DDX60: variants seen among roughly 807,000 people sequenced by gnomAD.
DDX60 encodes probable ATP-dependent RNA helicase DDX60.
Under a neutral mutation model 212.8 loss-of-function variants are expected in DDX60, and 165 were observed. That is an observed-to-expected ratio of 0.78 (90% CI 0.68 to 0.88). The LOEUF (loss-of-function observed/expected upper bound fraction) is 0.88. Ranked by LOEUF, DDX60 falls within the 40% of genes least tolerant of loss-of-function variation. The probability of loss-of-function intolerance (pLI) is 0.00; values close to 1 mark genes in which losing one functional copy is unlikely to be tolerated. For synonymous variants in DDX60, 703 were observed against 685.3 expected, an observed-to-expected ratio of 1.03 and a Z score of -0.40; for missense variants, 1,905 against 2,003.9, an observed-to-expected ratio of 0.95 and a Z score of 0.94.
At chr4:168,306,144 G>C (rs181842235) in intron 5 of DDX60, among the ~76,000 whole-genome samples, 2 of 152,068 alleles carry the variant, frequency 1.3e-5, no homozygotes, top group Non-Finnish European at 2.9e-5. Flanking sequence ...TATAAGATTG[G>C]TTTTAAGGTT....
intron 1 of DDX60, among the ~76,000 whole-genome samples, chr4:168,313,383 G>A (rs1281984522): frequency 1.3e-5 from 2 of 152,136 alleles, no homozygotes; most frequent in African/African-American, 4.8e-5. Context: ...AGGACAGGGT[G>A]ACTCATTGGA....
At chr4:168,279,057 A>G (rs1011510897) in intron 14 of DDX60, among the ~76,000 whole-genome samples, 2 of 152,234 alleles carry the variant, frequency 1.3e-5, no homozygotes, top group African/African-American at 4.8e-5. Context: ...ACATGGAAGG[A>G]CAGAGTAACC....
At chr4:168,299,461 A>T (rs1736556956) in intron 6 of DDX60, among the ~76,000 whole-genome samples, 1 of 152,038 alleles carries the variant, frequency 6.6e-6, no homozygotes, top group Non-Finnish European at 1.5e-5. Flanking sequence ...AAGTAAGATG[A>T]AAGAAAGCAC....
intron 37 of DDX60, among the ~76,000 whole-genome samples, chr4:168,218,686 C>T (rs780226731): frequency 6.6e-6 from 1 of 152,120 alleles, no homozygotes; most frequent in East Asian, 1.9e-4. Context: ...TTACAACAAC[C>T]CAGCATCTTC....
chr4:168,229,954 A>T (rs1733386410), intron 33 of DDX60, among the ~76,000 whole-genome samples: 1 of 152,088 alleles, frequency 6.6e-6, no homozygotes, highest in South Asian at 2.1e-4. Context: ...TCACCAACCA[A>T]GTATCTGCTG....
At chr4:168,234,242 A>T (rs1733554621) in intron 33 of DDX60, among the ~76,000 whole-genome samples, 1 of 152,044 alleles carries the variant, frequency 6.6e-6, no homozygotes, top group Non-Finnish European at 1.5e-5. Flanking sequence ...ATGGTGTGTT[A>T]TCTTTAATCA....
intron 35 of DDX60, 26 bp from the exon 36 acceptor site, chr4:168,221,907 G>A (rs1467535818): frequency 4.4e-6 from 7 of 1,592,686 alleles, no homozygotes; most frequent in Admixed American, 3.4e-5. Context: ...TATTCTTAAT[G>A]TATTATTTAT....
At chr4:168,249,953 T>A (rs1478348175) in intron 28 of DDX60, among the ~76,000 whole-genome samples, 1 of 152,194 alleles carries the variant, frequency 6.6e-6, no homozygotes. Context: ...GAATGTAATA[T>A]ATGTCATACA....
At chr4:168,283,388 T>A in intron 13 of DDX60, 58 bp downstream of exon 13, 2 of 1,497,914 alleles carry the variant, frequency 1.3e-6, no homozygotes, top group South Asian at 2.4e-5. Context: ...ATAACACATA[T>A]CAACCTGATA....
At chr4:168,295,435 G>A (rs530512361) in intron 6 of DDX60, among the ~76,000 whole-genome samples, 4 of 152,312 alleles carry the variant, frequency 2.6e-5, no homozygotes, top group African/African-American at 7.2e-5. Flanking sequence ...CTCATACACT[G>A]CTGAGCGTTC....
chr4:168,240,730 G>C (rs1384805187), intron 30 of DDX60, among the ~76,000 whole-genome samples: 1 of 152,168 alleles, frequency 6.6e-6, no homozygotes, highest in East Asian at 1.9e-4. Flanking sequence ...AGAAGACCTG[G>C]ATAGCCATGT....
At chr4:168,300,238 C>A (rs1736588780) in intron 6 of DDX60, among the ~76,000 whole-genome samples, 1 of 151,942 alleles carries the variant, frequency 6.6e-6, no homozygotes, top group South Asian at 2.1e-4. Context: ...ATGATAAAAA[C>A]ACTCAAGCAA....
intron 30 of DDX60, 85 bp from the exon 31 acceptor site, chr4:168,237,880 T>A: frequency 1.0e-6 from 1 of 962,424 alleles, no homozygotes; most frequent in Middle Eastern, 2.3e-4. Context: ...TAGATCAATA[T>A]CTATTATACC....
At chr4:168,250,446 A>G (rs978344768) in intron 28 of DDX60, among the ~76,000 whole-genome samples, 21 of 152,068 alleles carry the variant, frequency 1.4e-4, no homozygotes, top group South Asian at 4.2e-4. Flanking sequence ...GAGGTTCAAC[A>G]ACAAACAAAC....
intron 19 of DDX60, among the ~76,000 whole-genome samples, chr4:168,271,176 C>T (rs1052970484): frequency 2.0e-5 from 3 of 152,206 alleles, no homozygotes; most frequent in Admixed American, 1.3e-4. Flanking sequence ...CCGCACCTGA[C>T]CAATAAATAT....
In DDX60 at chr4:168,288,156, A is replaced by C; in HGVS notation, c.1183+18T>G. 1 of 1,408,406 alleles carries C rather than the reference A, an allele frequency of 7.1e-7. No homozygotes were observed. The highest frequency in any genetic ancestry group is 9.6e-7 in the Non-Finnish European group (1 of 1,041,526). The allele number at this position is 1,408,406 out of a possible 1,614,324, so 87.2% of individuals were successfully genotyped here. A position where few individuals can be genotyped will look rare whatever the true frequency, so the allele number is the denominator to read the frequency against. ...TATCTGTGGATGGAAGTATGATTAT[A>C]ATATACTGAGATGGTACCTTTTACA... On this transcript the variant is annotated intron_variant, in intron 9 of 37. Transcript: ENST00000393743.
intron 1 of DDX60, among the ~76,000 whole-genome samples, chr4:168,318,215 AG>A (rs1156524392): frequency 6.6e-6 from 1 of 152,206 alleles, no homozygotes. Flanking sequence ...TGATTCTACA[AG>A]TCTGGAGCAG....
Position 168,308,104 on chromosome 4 carries a change from A to AG in DDX60, c.165_166insC (p.Phe56LeufsTer2). On this transcript the variant is annotated frameshift_variant, in exon 4 of 38. Transcript: ENST00000393743. LOFTEE classifies it high-confidence loss of function. ...AAATGGAGGTTCTGCCCAGGCTTAA[A>AG]TGATATCTCACAGATACATGTGATA... The AG allele has an allele frequency of 6.2e-7, 1 of 1,611,232 alleles. No individual in the cohort carries two copies. Among genetic ancestry groups the AG allele is most frequent in the Non-Finnish European group, 8.5e-7 (1 of 1,178,378 alleles).
intron 14 of DDX60, 23 bp from the exon 15 acceptor site, chr4:168,276,204 A>G (rs1560849328): frequency 1.3e-6 from 2 of 1,558,086 alleles, no homozygotes; most frequent in Non-Finnish European, 1.8e-6. Context: ...TAAACAATAA[A>G]ATTGTTATAA....
Sources: gnomAD v4.1 joint callset for allele counts (sites outside exome capture counted in the v4.1 genomes callset) on GRCh38, gnomAD v4.1.1 for gene constraint, MANE v1.5 for transcripts, NCBI Gene and HGNC (gene_info 2026-07-23, HGNC 2026-07-21) for gene names.